The following ZNF8 variants were observed in gnomAD, a reference collection of about 807,000 sequenced individuals.
ZNF8 encodes zinc finger protein 8, also known as zinc finger protein 272.
Under a neutral mutation model 12.2 loss-of-function variants are expected in ZNF8, and 9 were observed. The ratio of observed to expected loss-of-function variants is 0.73; its 90% CI spans 0.44 to 1.28. ZNF8 has a LOEUF of 1.28. Ranked by LOEUF, ZNF8 falls within the 50% of genes most tolerant of loss-of-function variation. ZNF8 has a pLI of 0.00. For synonymous variants in ZNF8, 274 were observed against 282.3 expected, an observed-to-expected ratio of 0.97 and a Z score of 0.30; for missense variants, 664 against 729.1, an observed-to-expected ratio of 0.91 and a Z score of 1.03.
chr19:58,291,211 C>T (rs947950542), intron 3 of ZNF8, among the ~76,000 whole-genome samples: 1 of 152,182 alleles, frequency 6.6e-6, no homozygotes, highest in African/African-American at 2.4e-5. Context: ...TCACCTGCTG[C>T]AGGTCACCTC....
Position 58,299,137 on chromosome 19 carries a change from G to T in ZNF8, c.*3601G>T, listed in dbSNP as rs1329391826. On this transcript the variant is annotated 3_prime_UTR_variant, in exon 4 of 4. Coordinates refer to ENST00000621650, the MANE Select transcript of ZNF8 (RefSeq NM_021089.3). ...AGCAATTTTTTTTTTTTTTGAGACA[G>T]AGTCTCGCTGTGTCACCCAGGCTGG... 6.7e-6 allele frequency: 1 copy of T among 148,342 alleles called. No homozygotes were observed. The highest frequency in any genetic ancestry group is 2.5e-5 in the African/African-American group (1 of 39,294). 9.2% of individuals were successfully genotyped at this position (148,342 alleles called of 1,614,324 possible).
At chr19:58,293,992 C>T in intron 3 of ZNF8, 106 bp from the exon 4 acceptor site, 1 of 1,053,372 alleles carries the variant, frequency 9.5e-7, no homozygotes, top group South Asian at 1.7e-5. Context: ...CTTGCCAGGG[C>T]AGCTGGTTAG....
At position 58,295,598 on chromosome 19, in the gene ZNF8, T is replaced by G; in HGVS notation, c.*62T>G. 1 of 1,344,276 alleles carries G rather than the reference T, an allele frequency of 7.4e-7. No individual in the cohort carries two copies. The highest frequency in any genetic ancestry group is 1.0e-6 in the Non-Finnish European group (1 of 976,786). 83.3% of individuals were successfully genotyped at this position (1,344,276 alleles called of 1,614,324 possible). On this transcript the variant is annotated 3_prime_UTR_variant, in exon 4 of 4. Transcript: ENST00000621650. ...AAAAATGTGGTAAGTCCACATAGTG[T>G]ACTCATGGAAGGAGGGGCTGGGGGT...
intron 3 of ZNF8, among the ~76,000 whole-genome samples, chr19:58,288,066 C>T (rs1325554888): frequency 1.3e-5 from 2 of 150,604 alleles, no homozygotes; most frequent in Admixed American, 6.6e-5. Context: ...TTCTACACTG[C>T]CCAGGCTGGT....
rs1361529306 is a variant in ZNF8 at position 58,300,474 on chromosome 19, C to T, written c.*4938C>T. The T allele has an allele frequency of 1.3e-5, 2 of 152,260 alleles. No individual in the cohort carries two copies. Among genetic ancestry groups the T allele is most frequent in the African/African-American group, 2.4e-5 (1 of 41,448 alleles). 9.4% of individuals were successfully genotyped at this position (152,260 alleles called of 1,614,324 possible). A position where few individuals can be genotyped will look rare whatever the true frequency, so the allele number is the denominator to read the frequency against. The stretch of plus-strand genomic sequence containing the variant: ...TCCCAGAAGCCTGCAGCACATGCCC[C>T]CCTTAGTCTCACTGGCCACAGATGG... On this transcript the variant is annotated 3_prime_UTR_variant, in exon 4 of 4. Transcript: ENST00000621650.
At chr19:58,281,867 C>T (rs2051352370) in intron 1 of ZNF8, among the ~76,000 whole-genome samples, 1 of 152,158 alleles carries the variant, frequency 6.6e-6, no homozygotes, top group Non-Finnish European at 1.5e-5. Flanking sequence ...AATCCCAGCA[C>T]TTTGAGAGGC....
rs2051473008 is a variant in ZNF8 at position 58,298,847 on chromosome 19, TC to T, written c.*3312del. On this transcript the variant is annotated 3_prime_UTR_variant, in exon 4 of 4. Transcript: ENST00000621650. ...GGTTGGAATTTTTCTTTTTTCTTTT[TC>T]TTTTTTTTTTTTGTGATGGAGACTT... 1 of 88,736 alleles carries T rather than the reference TC, an allele frequency of 1.1e-5. No homozygotes were observed. Among genetic ancestry groups the T allele is most frequent in the Admixed American group, 1.1e-4 (1 of 9,204 alleles). The allele number at this position is 88,736 out of a possible 1,614,324, so 5.5% of individuals were successfully genotyped here.
intron 1 of ZNF8, 29 bp from the exon 2 acceptor site, chr19:58,285,688 G>A: frequency 1.2e-6 from 2 of 1,614,180 alleles, no homozygotes; most frequent in Non-Finnish European, 1.7e-6. Flanking sequence ...AGATAGTCCA[G>A]CTGATTGAGA....
chr19:58,283,465 C>G (rs183142162), intron 1 of ZNF8, among the ~76,000 whole-genome samples: 2 of 151,994 alleles, frequency 1.3e-5, no homozygotes, highest in African/African-American at 4.8e-5. Flanking sequence ...GAGAGAGAGA[C>G]CTGAGCTGGC....
In ZNF8 at chr19:58,299,116, AT is replaced by A. The variant is rs58919160; in HGVS notation, c.*3594del. ...AGCCAATGCACCCTGCCAAACAGCA[AT>A]TTTTTTTTTTTTTGAGACAGAGTCT... On this transcript the variant is annotated 3_prime_UTR_variant, in exon 4 of 4. Transcript: ENST00000621650. The A allele has an allele frequency of 9.8e-4, 140 of 142,976 alleles. No individual in the cohort carries two copies. The highest frequency in any genetic ancestry group is 9.8e-4 in the Non-Finnish European group (64 of 64,998). 8.9% of individuals were successfully genotyped at this position (142,976 alleles called of 1,614,324 possible).
Position 58,296,355 on chromosome 19 carries a change from CCT to C in ZNF8, c.*822_*823del, listed in dbSNP as rs2051455054. 3 of 152,168 alleles carry C rather than the reference CCT, an allele frequency of 2.0e-5. No individual in the cohort carries two copies. The highest frequency in any genetic ancestry group is 7.2e-5 in the African/African-American group (3 of 41,436). 9.4% of individuals were successfully genotyped at this position (152,168 alleles called of 1,614,324 possible). On this transcript the variant is annotated 3_prime_UTR_variant, in exon 4 of 4. Transcript: ENST00000621650. The stretch of plus-strand genomic sequence containing the variant: ...TTCCGTGCAGGGGAGTGTCACAGCT[CCT>C]CTTGAAAAACATCTGGTGTTGCTAT...
chr19:58,279,489 G>C (rs956412606), intron 1 of ZNF8: 34 of 1,476,692 alleles, frequency 2.3e-5, no homozygotes, highest in Non-Finnish European at 2.9e-5. Context: ...GTCTGTCCTC[G>C]TGTTGACTGA....
At chr19:58,281,510 G>A (rs2051350406) in intron 1 of ZNF8, among the ~76,000 whole-genome samples, 1 of 152,174 alleles carries the variant, frequency 6.6e-6, no homozygotes, top group African/African-American at 2.4e-5. Flanking sequence ...TGATGCCACT[G>A]AGAATTCTCA....
intron 1 of ZNF8, among the ~76,000 whole-genome samples, chr19:58,285,489 C>G (rs981700288): frequency 6.6e-6 from 1 of 152,194 alleles, no homozygotes; most frequent in African/African-American, 2.4e-5. Flanking sequence ...TAGGTCAGCT[C>G]TGCCTGGCGT....
chr19:58,289,499 GAAAAA>G (rs34989877), intron 3 of ZNF8, among the ~76,000 whole-genome samples: 1 of 83,152 alleles, frequency 1.2e-5, no homozygotes, highest in Non-Finnish European at 2.6e-5. Context: ...CTGTCTCAAA[GAAAAA>G]AAAAAAAAAA....
At position 58,295,017 on chromosome 19, in the gene ZNF8, G is replaced by T; in HGVS notation, c.1209G>T (p.Gly403=). 6 of 1,614,110 alleles carry T rather than the reference G, an allele frequency of 3.7e-6. No individual in the cohort carries two copies. The highest frequency in any genetic ancestry group is 5.1e-6 in the Non-Finnish European group (6 of 1,179,978). The change falls in exon 4 of 4, where the codon GGG becomes GGT. Residue 403 remains glycine (G), a synonymous_variant. Coordinates refer to ENST00000621650, the MANE Select transcript of ZNF8 (RefSeq NM_021089.3). ...GGCCCTACGAGTGTAACCACTGCGG[G>T]AAGGGCTTCAGGCACAGCTCATCCC... ...EERPYECNHC[G]KGFRHSSSLA... is the part of the protein sequence containing the mutation.
chr19:58,279,892 T>C, intron 1 of ZNF8: 1 of 1,234,136 alleles, frequency 8.1e-7, no homozygotes, highest in South Asian at 1.4e-5. Context: ...TTTTTTATTT[T>C]TTGTCGTTGG....
At chr19:58,279,337 C>T in intron 1 of ZNF8, 190 bp downstream of exon 1, 1 of 1,477,130 alleles carries the variant, frequency 6.8e-7, no homozygotes, top group Non-Finnish European at 9.0e-7. Flanking sequence ...GGATTCCAAC[C>T]AGGCGCCTGG....
chr19:58,279,894 T>G, intron 1 of ZNF8: 2 of 1,231,334 alleles, frequency 1.6e-6, no homozygotes, highest in Non-Finnish European at 2.1e-6. Flanking sequence ...TTTTATTTTT[T>G]GTCGTTGGTT....
Sources: allele counts gnomAD v4.1 joint callset (sites outside exome capture counted in the v4.1 genomes callset), GRCh38; gene constraint gnomAD v4.1.1; transcripts MANE v1.5; gene names NCBI Gene and HGNC (gene_info 2026-07-23, HGNC 2026-07-21).